The following AKAP13 variants were observed in gnomAD, a reference collection of about 807,000 sequenced individuals.
AKAP13 encodes the protein A-kinase anchoring protein 13, also known as A-kinase anchor protein 13.
AKAP13 carries 80 observed loss-of-function variants against 264.5 expected under a neutral mutation model. The observed-to-expected ratio is 0.30, with a 90% CI of 0.25 to 0.36. The LOEUF (loss-of-function observed/expected upper bound fraction) is 0.36. Ranked by LOEUF, AKAP13 falls within the 10% of genes least tolerant of loss-of-function variation. The probability of loss-of-function intolerance (pLI) is 1.00; values close to 1 mark genes in which losing one functional copy is unlikely to be tolerated. For missense variants in AKAP13, 3,712 were observed against 3,435.2 expected (o/e 1.08, Z -2.01); for synonymous variants, 1,380 against 1,250.2 (o/e 1.10, Z -2.19).
At chr15:85,667,401 T>G (rs2083664514) in intron 13 of AKAP13, among the ~76,000 whole-genome samples, 1 of 152,206 alleles carries the variant, frequency 6.6e-6, no homozygotes, top group Non-Finnish European at 1.5e-5. Context: ...AAGAATATGC[T>G]TGTTGAAGCA....
At chr15:85,588,174 G>A (rs1444534771) in intron 8 of AKAP13, among the ~76,000 whole-genome samples, 1 of 152,172 alleles carries the variant, frequency 6.6e-6, no homozygotes, top group Non-Finnish European at 1.5e-5. Context: ...GTAGGTAAAT[G>A]GAACAGACTA....
At chr15:85,425,443 T>C (rs1057078643) in intron 1 of AKAP13, among the ~76,000 whole-genome samples, 3 of 152,130 alleles carry the variant, frequency 2.0e-5, no homozygotes, top group Admixed American at 1.3e-4. Flanking sequence ...AGGCTGGTCC[T>C]GGTGGCTCAC....
chr15:85,710,574 T>C lies in AKAP13; in HGVS notation c.5533-5T>C, dbSNP rs1159111573. The C allele has an allele frequency of 6.2e-6, 10 of 1,613,606 alleles. No individual in the cohort carries two copies. Among genetic ancestry groups the C allele is most frequent in the Non-Finnish European group, 8.5e-6 (10 of 1,179,756 alleles). ...TGTCAATGGACTTACTTTCTTTCTC[T>C]TTAGCAGCCCAAAGGGAGCCTTCAG... On this transcript the variant is annotated splice_polypyrimidine_tract_variant and splice_region_variant and intron_variant, in intron 18 of 36. Coordinates refer to ENST00000394518, the MANE Select transcript of AKAP13 (RefSeq NM_007200.5).
intron 30 of AKAP13, among the ~76,000 whole-genome samples, 170 bp from the exon 31 acceptor site, chr15:85,734,822 C>T (rs2088321338): frequency 6.6e-6 from 1 of 152,168 alleles, no homozygotes; most frequent in Admixed American, 6.5e-5. Context: ...TAGTAGAATC[C>T]AACTAAAACA....
At chr15:85,552,343 C>T (rs1373952174) in intron 5 of AKAP13, among the ~76,000 whole-genome samples, 1 of 152,060 alleles carries the variant, frequency 6.6e-6, no homozygotes, top group Non-Finnish European at 1.5e-5. Context: ...GTAACATGTT[C>T]TAGAAGGAAT....
intron 1 of AKAP13, among the ~76,000 whole-genome samples, chr15:85,446,618 T>C (rs950596891): frequency 2.0e-5 from 3 of 152,112 alleles, no homozygotes; most frequent in Non-Finnish European, 4.4e-5. Flanking sequence ...AGATATTTGT[T>C]GGATGCGAGG....
intron 23 of AKAP13, 55 bp downstream of exon 23, chr15:85,719,381 T>G: frequency 1.3e-6 from 2 of 1,596,690 alleles, no homozygotes; most frequent in Non-Finnish European, 8.5e-7. Context: ...AGGGAAGTCA[T>G]GGGGTTCCAC....
intron 2 of AKAP13, among the ~76,000 whole-genome samples, chr15:85,486,250 A>G (rs1055421701): frequency 6.6e-6 from 1 of 152,090 alleles, no homozygotes; most frequent in Non-Finnish European, 1.5e-5. Context: ...TTTCAAGCAC[A>G]AAAATTTTCA....
rs533763029 is a variant in AKAP13, at chr15:85,404,908, A to G, written c.-12+24110A>G. Among the ~76,000 whole-genome samples the G allele has an allele frequency of 6.4e-3, 971 of 152,108 alleles. 7 individuals carry two copies. The highest frequency in any genetic ancestry group is 0.023 in the African/African-American group (939 of 41,454). Reference sequence around the variant, plus strand: ...TCGTTGCTTGCACTTACCTCCTTCTAGCTATTATCATTGTGTGTGTTCATT... The same window carrying G: ...TCGTTGCTTGCACTTACCTCCTTCTGGCTATTATCATTGTGTGTGTTCATT... On this transcript the variant is annotated intron_variant, in intron 1 of 36. Coordinates refer to ENST00000394518, the MANE Select transcript of AKAP13 (RefSeq NM_007200.5).
chr15:85,686,279 C>T (rs542296701), intron 16 of AKAP13, among the ~76,000 whole-genome samples: 1 of 152,186 alleles, frequency 6.6e-6, no homozygotes, highest in South Asian at 2.1e-4. Context: ...AATAAACAAA[C>T]ATTGAATTCA....
intron 1 of AKAP13, among the ~76,000 whole-genome samples, chr15:85,481,672 G>A (rs1294839341): frequency 6.6e-6 from 1 of 152,132 alleles, no homozygotes. Context: ...CTACTGAGTG[G>A]TGAAATTGCT....
At chr15:85,588,976 A>G (rs1348150272) in intron 8 of AKAP13, among the ~76,000 whole-genome samples, 1 of 152,100 alleles carries the variant, frequency 6.6e-6, no homozygotes, top group Non-Finnish European at 1.5e-5. Flanking sequence ...GAGTTGGGGA[A>G]AGCATATGTC....
intron 2 of AKAP13, among the ~76,000 whole-genome samples, chr15:85,516,973 T>C (rs1460411673): frequency 6.6e-6 from 1 of 152,254 alleles, no homozygotes; most frequent in Non-Finnish European, 1.5e-5. Context: ...CATTTGTTTT[T>C]AATGCAGTTT....
intron 33 of AKAP13, among the ~76,000 whole-genome samples, chr15:85,739,082 TAC>T (rs560049910): frequency 6.8e-4 from 104 of 152,358 alleles, no homozygotes; most frequent in South Asian, 1.0e-3. Context: ...TACCATAATT[TAC>T]TTAGTCTTTG....
At chr15:85,612,118 A>G (rs12438723) in intron 8 of AKAP13, among the ~76,000 whole-genome samples, 12,391 of 152,306 alleles carry the variant, frequency 0.081, 680 homozygotes, top group East Asian at 0.21. Flanking sequence ...GTTGTACTAT[A>G]CAGTCCCAAT....
In AKAP13 at chr15:85,599,739, T is replaced by C. The variant is rs112004365; in HGVS notation, c.4161+13916T>C. 3.7e-3 allele frequency among the ~76,000 whole-genome samples: 567 copies of C among 152,278 alleles called. 4 individuals carry two copies. The highest frequency in any genetic ancestry group is 0.013 in the African/African-American group (536 of 41,540). ...AAAACAAAATAATGCATACCTTTTA[T>C]GAATATTATCTCTGGGCTGGGTGAG... On this transcript the variant is annotated intron_variant, in intron 8 of 36. Transcript: ENST00000394518.
At chr15:85,598,138 A>C (rs2079899250) in intron 8 of AKAP13, among the ~76,000 whole-genome samples, 1 of 151,522 alleles carries the variant, frequency 6.6e-6, no homozygotes, top group Admixed American at 6.6e-5. Flanking sequence ...TGTTGTGTTT[A>C]TTTTTTCCCT....
intron 2 of AKAP13, among the ~76,000 whole-genome samples, chr15:85,492,725 C>G (rs2075765320): frequency 6.6e-6 from 1 of 152,142 alleles, no homozygotes; most frequent in Non-Finnish European, 1.5e-5. Context: ...TTTCCTTTTT[C>G]AATCCAGGAT....
In AKAP13 at chr15:85,719,264, C is replaced by G. The variant is rs771686088; in HGVS notation, c.6190C>G (p.Leu2064Val). ...GATTCTGGAGCGGAAGAAGGAGTCT[C>G]TGGTGGATAAAAGTGAAAAGAACTT... The part of the protein sequence containing the change: ...QRILERKKES[L>V]VDKSEKNFLI... Residue 2064 changes from leucine (L) to valine (V), a missense_variant, in exon 23 of 37, where the codon CTG becomes GTG. By Grantham distance (32) the Leu-to-Val change is conservative. Around this residue, in one of 3 missense-constraint regions of AKAP13, gnomAD observed 342 missense variants for 484.3 expected, o/e 0.71. Coordinates refer to ENST00000394518, the MANE Select transcript of AKAP13 (RefSeq NM_007200.5). 3 of 1,613,964 alleles carry G rather than the reference C, an allele frequency of 1.9e-6. No individual in the cohort carries two copies. Among genetic ancestry groups the G allele is most frequent in the Middle Eastern group, 1.6e-4 (1 of 6,084 alleles).
Sources: gnomAD v4.1 joint callset for allele counts (sites outside exome capture counted in the v4.1 genomes callset) on GRCh38, gnomAD v4.1.1 for gene constraint, gnomAD v4.1.1 regional missense constraint, MANE v1.5 for transcripts, NCBI Gene and HGNC (gene_info 2026-07-23, HGNC 2026-07-21) for gene names.